RHOBTB1: variants seen among roughly 807,000 people sequenced by gnomAD.
RHOBTB1 encodes the protein rho-related BTB domain-containing protein 1.
RHOBTB1 carries 40 observed loss-of-function variants against 71.6 expected under a neutral mutation model. That is an observed-to-expected ratio of 0.56 (90% CI 0.43 to 0.73). The LOEUF (loss-of-function observed/expected upper bound fraction) is 0.73. Ranked by LOEUF, RHOBTB1 falls within the 30% of genes least tolerant of loss-of-function variation. RHOBTB1 has a pLI of 0.00. For missense variants in RHOBTB1, 797 were observed against 894.0 expected (o/e 0.89, Z 1.38); for synonymous variants, 319 against 334.9 (o/e 0.95, Z 0.52).
At chr10:60,989,326 T>C (rs1185914194) in intron 1 of RHOBTB1, among the ~76,000 whole-genome samples, 2 of 152,218 alleles carry the variant, frequency 1.3e-5, no homozygotes, top group Non-Finnish European at 2.9e-5. Flanking sequence ...GATTACAAAA[T>C]GCATTTGAGA....
At chr10:60,987,270 C>T (rs565307896) in intron 1 of RHOBTB1, among the ~76,000 whole-genome samples, 21 of 152,262 alleles carry the variant, frequency 1.4e-4, no homozygotes, top group Non-Finnish European at 2.4e-4. Context: ...TTCCCTTAAA[C>T]GTGGGCCTTC....
chr10:60,949,664 CTTTTTTTTTTT>C (rs147906688), intron 2 of RHOBTB1, among the ~76,000 whole-genome samples: 2 of 108,918 alleles, frequency 1.8e-5, no homozygotes, highest in South Asian at 3.2e-4. Context: ...CCAGGTGAAG[CTTTTTTTTTTT>C]TTTTTTTTTT....
At chr10:60,881,990 ATAAAC>A (rs1227847879) in intron 7 of RHOBTB1, among the ~76,000 whole-genome samples, 1 of 152,216 alleles carries the variant, frequency 6.6e-6, no homozygotes, top group African/African-American at 2.4e-5. Flanking sequence ...TTAAATTAGA[ATAAAC>A]TAAGAACACT....
chr10:61,001,071 C>G (rs1167140114), intron 1 of RHOBTB1, among the ~76,000 whole-genome samples: 1 of 151,768 alleles, frequency 6.6e-6, no homozygotes, highest in East Asian at 2.0e-4. Flanking sequence ...AGTGCGCGCG[C>G]GCGCACGCGT....
At chr10:60,950,127 C>T (rs1480632095) in intron 2 of RHOBTB1, among the ~76,000 whole-genome samples, 1 of 152,116 alleles carries the variant, frequency 6.6e-6, no homozygotes, top group African/African-American at 2.4e-5. Context: ...GAGGAGGTAG[C>T]AAACAGTTTT....
chr10:60,982,895 G>C (rs568396500), intron 2 of RHOBTB1, among the ~76,000 whole-genome samples: 2 of 151,954 alleles, frequency 1.3e-5, no homozygotes, highest in African/African-American at 4.8e-5. Flanking sequence ...TTCCTCTTCC[G>C]CTCCCTTCTT....
chr10:61,000,191 T>C (rs998242932), intron 1 of RHOBTB1, among the ~76,000 whole-genome samples: 3 of 152,270 alleles, frequency 2.0e-5, no homozygotes, highest in African/African-American at 7.2e-5. Flanking sequence ...GGGGTTTAAA[T>C]TGCCAATACA....
rs766111796 is a variant in RHOBTB1 at position 60,875,050 on chromosome 10, A to G, written c.1727-8T>C. ...CCTGAACGGCATGCTGTTCTGGGGA[A>G]GAGAGAGGGGGCAGGAGAACATTAA... On this transcript the variant is annotated splice_region_variant and splice_polypyrimidine_tract_variant and intron_variant, in intron 8 of 10. Coordinates refer to ENST00000337910, the MANE Select transcript of RHOBTB1 (RefSeq NM_014836.5). 6 of 1,611,416 alleles carry G rather than the reference A, an allele frequency of 3.7e-6. No individual in the cohort carries two copies. Among genetic ancestry groups the G allele is most frequent in the African/African-American group, 2.7e-5 (2 of 74,958 alleles).
At chr10:60,911,829 C>A (rs1467744717) in intron 2 of RHOBTB1, among the ~76,000 whole-genome samples, 1 of 152,170 alleles carries the variant, frequency 6.6e-6, no homozygotes, top group Non-Finnish European at 1.5e-5. Context: ...CTAAACACAA[C>A]CTGCCTACTG....
intron 4 of RHOBTB1, among the ~76,000 whole-genome samples, chr10:60,903,546 G>A (rs893615103): frequency 6.6e-6 from 1 of 152,186 alleles, no homozygotes; most frequent in Non-Finnish European, 1.5e-5. Flanking sequence ...ACTATTTGAT[G>A]AAGAAACGGA....
intron 2 of RHOBTB1, among the ~76,000 whole-genome samples, chr10:60,932,104 C>T (rs188499457): frequency 1.8e-3 from 281 of 152,248 alleles, no homozygotes; most frequent in Middle Eastern, 3.4e-3. Context: ...GGTATGCATG[C>T]CATGTATGTA....
intron 1 of RHOBTB1, among the ~76,000 whole-genome samples, chr10:60,987,972 C>G (rs1054524671): frequency 2.2e-5 from 3 of 135,352 alleles, no homozygotes; most frequent in Middle Eastern, 9.0e-3. Context: ...CTCGCTCTGT[C>G]CCCCAGGATG....
intron 2 of RHOBTB1, among the ~76,000 whole-genome samples, chr10:60,926,299 A>G (rs1331811311): frequency 6.6e-6 from 1 of 152,190 alleles, no homozygotes; most frequent in Non-Finnish European, 1.5e-5. Flanking sequence ...TCTACCAAAC[A>G]CTTAAAGAAG....
intron 2 of RHOBTB1, among the ~76,000 whole-genome samples, chr10:60,977,196 G>T (rs977800596): frequency 6.6e-6 from 1 of 151,962 alleles, no homozygotes; most frequent in African/African-American, 2.4e-5. Flanking sequence ...AAGTGTATTA[G>T]CTGAGTCAGT....
chr10:60,923,504 A>T (rs1329441290), intron 2 of RHOBTB1, among the ~76,000 whole-genome samples: 1 of 152,232 alleles, frequency 6.6e-6, no homozygotes. Context: ...GGTCAAGCCT[A>T]AGAAGTTCTC....
intron 9 of RHOBTB1, among the ~76,000 whole-genome samples, 180 bp from the exon 10 acceptor site, chr10:60,872,470 G>A (rs2080841794): frequency 6.6e-6 from 1 of 152,204 alleles, no homozygotes; most frequent in South Asian, 2.1e-4. Flanking sequence ...AGCCAATGTA[G>A]TGCTGGGCAC....
At chr10:60,877,845 T>G in intron 8 of RHOBTB1, 63 bp downstream of exon 8, 1 of 1,499,770 alleles carries the variant, frequency 6.7e-7, no homozygotes, top group East Asian at 2.3e-5. Context: ...AAGAATATTT[T>G]TATTTAAATG....
chr10:60,982,619 C>G (rs947223240), intron 2 of RHOBTB1, among the ~76,000 whole-genome samples: 4 of 152,132 alleles, frequency 2.6e-5, no homozygotes, highest in African/African-American at 9.7e-5. Context: ...AAAACAATCT[C>G]CAGTCATTAC....
intron 8 of RHOBTB1, 28 bp from the exon 9 acceptor site, chr10:60,875,070 C>A (rs755632540): frequency 3.8e-6 from 6 of 1,569,024 alleles, no homozygotes; most frequent in Non-Finnish European, 5.3e-6. Context: ...GGCAGGAGAA[C>A]ATTAAACCAC....
Sources: allele counts gnomAD v4.1 joint callset (sites outside exome capture counted in the v4.1 genomes callset), GRCh38; gene constraint gnomAD v4.1.1; transcripts MANE v1.5; gene names NCBI Gene and HGNC (gene_info 2026-07-23, HGNC 2026-07-21).